HEATR5B: variants seen among roughly 807,000 people sequenced by gnomAD.
The protein encoded by HEATR5B is HEAT repeat-containing protein 5B.
Under a neutral mutation model 224.1 loss-of-function variants are expected in HEATR5B, and 156 were observed. The ratio of observed to expected loss-of-function variants is 0.70; its 90% CI spans 0.61 to 0.80. The LOEUF (loss-of-function observed/expected upper bound fraction) is 0.80, where lower values mean the gene tolerates loss of function less well. Among genes scored for constraint, HEATR5B ranks in the 30% least tolerant of loss-of-function variants. HEATR5B has a pLI of 0.00. For synonymous variants in HEATR5B, 1,027 were observed against 893.0 expected, an observed-to-expected ratio of 1.15 and a Z score of -2.68; for missense variants, 2,323 against 2,535.5, an observed-to-expected ratio of 0.92 and a Z score of 1.80.
chr2:37,069,899 T>TA (rs1671803240), intron 7 of HEATR5B, among the ~76,000 whole-genome samples: 2 of 31,542 alleles, frequency 6.3e-5, no homozygotes, highest in South Asian at 3.6e-3. Context: ...ATGAACAAAA[T>TA]CTTTTTTTTT....
intron 17 of HEATR5B, 65 bp downstream of exon 17, chr2:37,053,437 G>T: frequency 1.2e-6 from 1 of 813,400 alleles, no homozygotes; most frequent in Non-Finnish European, 1.9e-6. Context: ...ATCTTGCTAT[G>T]TCTGGCTTAT....
At chr2:37,026,265 C>T (rs1397551834) in intron 24 of HEATR5B, among the ~76,000 whole-genome samples, 6 of 152,260 alleles carry the variant, frequency 3.9e-5, no homozygotes, top group South Asian at 4.1e-4. Flanking sequence ...CCCCCTAGAG[C>T]CTCTAGAAAG....
At chr2:37,005,501 A>G (rs1232303974) in intron 30 of HEATR5B, 131 bp downstream of exon 30, 4 of 807,840 alleles carry the variant, frequency 5.0e-6, no homozygotes, top group Non-Finnish European at 3.9e-6. Flanking sequence ...GTGAATAAAT[A>G]CAGGGAGTCA....
chr2:37,025,404 A>C (rs1410294496), intron 24 of HEATR5B, among the ~76,000 whole-genome samples: 1 of 152,046 alleles, frequency 6.6e-6, no homozygotes, highest in African/African-American at 2.4e-5. Flanking sequence ...GAAAAGAACG[A>C]TTCTGAAGAT....
chr2:37,010,107 T>C lies in HEATR5B; in HGVS notation c.4285-1259A>G, dbSNP rs1464921163. 3.3e-5 allele frequency among the ~76,000 whole-genome samples: 5 copies of C among 152,202 alleles called. No individual in the cohort carries two copies. In the East Asian group the frequency reaches 9.6e-4, roughly 29 times the overall value. Reference sequence around the variant, plus strand: ...TCAAAGATTCTTCTTTATTGAATCATATTTATTTTCCTTTGTTTTGTAATA... The same window carrying C: ...TCAAAGATTCTTCTTTATTGAATCACATTTATTTTCCTTTGTTTTGTAATA... On this transcript the variant is annotated intron_variant, in intron 27 of 35. Coordinates refer to ENST00000233099, the MANE Select transcript of HEATR5B (RefSeq NM_019024.3).
At position 37,025,077 on chromosome 2, in the gene HEATR5B, G is replaced by A. The variant is rs565394736; in HGVS notation, c.3853+2846C>T. Among the ~76,000 whole-genome samples, 6 of 152,294 alleles carry A rather than the reference G, an allele frequency of 3.9e-5. No individual in the cohort carries two copies. In the South Asian group the frequency reaches 6.2e-4, roughly 16 times the overall value. On this transcript the variant is annotated intron_variant, in intron 24 of 35. Coordinates refer to ENST00000233099, the MANE Select transcript of HEATR5B (RefSeq NM_019024.3). The stretch of plus-strand genomic sequence containing the variant: ...AGATGAAGAGATGAAGATGATAGAG[G>A]AGAGCCTGAATAGCACATTTATTGG...
chr2:37,062,191 C>CCCTGG, intron 10 of HEATR5B, 141 bp from the exon 11 acceptor site: 1 of 536,370 alleles, frequency 1.9e-6, no homozygotes, highest in Non-Finnish European at 3.4e-6. Flanking sequence ...CTTTGGGAGG[C>CCCTGG]TGAGGCAGGC....
chr2:37,011,242 G>A (rs1667765688), intron 27 of HEATR5B, among the ~76,000 whole-genome samples: 1 of 152,174 alleles, frequency 6.6e-6, no homozygotes. Flanking sequence ...TTGCTCATAG[G>A]CAGAGATGGA....
At chr2:37,035,209 C>A (rs1669401191) in intron 21 of HEATR5B, among the ~76,000 whole-genome samples, 1 of 152,170 alleles carries the variant, frequency 6.6e-6, no homozygotes, top group Non-Finnish European at 1.5e-5. Context: ...TTTTCAAAAA[C>A]CCCACTGCAG....
intron 10 of HEATR5B, among the ~76,000 whole-genome samples, chr2:37,063,547 A>G (rs1325140829): frequency 6.6e-6 from 1 of 152,126 alleles, no homozygotes. Context: ...GGGAAGATGG[A>G]AAGTCTGAGG....
chr2:37,028,425 G>A (rs1668916009), intron 23 of HEATR5B, among the ~76,000 whole-genome samples: 2 of 151,804 alleles, frequency 1.3e-5, no homozygotes, highest in South Asian at 4.1e-4. Flanking sequence ...AGAGTAACTT[G>A]GGGTTTTTAT....
chr2:37,001,665 T>C (rs1280703936), intron 32 of HEATR5B, among the ~76,000 whole-genome samples: 1 of 151,714 alleles, frequency 6.6e-6, no homozygotes, highest in African/African-American at 2.4e-5. Context: ...GAGTTTTTCT[T>C]TTTCTTTCTT....
intron 18 of HEATR5B, among the ~76,000 whole-genome samples, chr2:37,044,421 C>T (rs1201510174): frequency 6.6e-6 from 1 of 152,194 alleles, no homozygotes; most frequent in Non-Finnish European, 1.5e-5. Context: ...TTTTAAGATT[C>T]ATCCAATTTA....
At chr2:37,069,987 TC>T (rs1303068738) in intron 7 of HEATR5B, among the ~76,000 whole-genome samples, 6 of 149,082 alleles carry the variant, frequency 4.0e-5, no homozygotes, top group African/African-American at 7.4e-5. Flanking sequence ...AACCTCCACC[TC>T]CCTAGTTGAA....
intron 21 of HEATR5B, among the ~76,000 whole-genome samples, chr2:37,035,719 A>G (rs1669435845): frequency 6.6e-6 from 1 of 152,120 alleles, no homozygotes; most frequent in Non-Finnish European, 1.5e-5. Flanking sequence ...TGGGTTCCTC[A>G]ATCATGACTC....
chr2:37,010,948 A>G (rs902364710), intron 27 of HEATR5B, among the ~76,000 whole-genome samples: 2 of 151,846 alleles, frequency 1.3e-5, no homozygotes, highest in African/African-American at 4.8e-5. Context: ...TTTGCTTTCC[A>G]TGAATTCACA....
At chr2:36,996,286 C>A (rs1023301029) in intron 33 of HEATR5B, among the ~76,000 whole-genome samples, 1 of 151,882 alleles carries the variant, frequency 6.6e-6, no homozygotes, top group African/African-American at 2.4e-5. Context: ...GTCTTGAACT[C>A]CTGCCCTTGT....
intron 22 of HEATR5B, among the ~76,000 whole-genome samples, chr2:37,029,491 C>T (rs1055855411): frequency 1.3e-5 from 2 of 151,856 alleles, no homozygotes; most frequent in South Asian, 4.2e-4. Flanking sequence ...TGGCGAAACC[C>T]CGTCTCTACT....
chr2:37,005,597 A>C (rs759909939), intron 30 of HEATR5B, 35 bp downstream of exon 30: 23 of 1,593,880 alleles, frequency 1.4e-5, no homozygotes, highest in South Asian at 4.6e-5. Flanking sequence ...TCAAAAAAAA[A>C]CCACACAAGT....
Sources: gnomAD v4.1 joint callset for allele counts (sites outside exome capture counted in the v4.1 genomes callset) on GRCh38, gnomAD v4.1.1 for gene constraint, MANE v1.5 for transcripts, NCBI Gene and HGNC (gene_info 2026-07-23, HGNC 2026-07-21) for gene names.